Variants in GREM2 observed in about 807,000 individuals in gnomAD.
GREM2 encodes gremlin 2, DAN family BMP antagonist.
A neutral mutation model predicts 14.2 loss-of-function variants in GREM2; 11 were observed. The ratio of observed to expected loss-of-function variants is 0.78; its 90% CI spans 0.49 to 1.28. The LOEUF (loss-of-function observed/expected upper bound fraction) is 1.28. GREM2 is among the 50% of genes most tolerant of loss of function. The pLI is 0.00. For missense variants in GREM2, 210 were observed against 218.5 expected (o/e 0.96, Z 0.24); for synonymous variants, 98 against 97.6 (o/e 1.00, Z -0.02).
At chr1:240,515,449 A>G (rs1368219273) in intron 1 of GREM2, among the ~76,000 whole-genome samples, 2 of 152,226 alleles carry the variant, frequency 1.3e-5, no homozygotes, top group African/African-American at 4.8e-5. Flanking sequence ...AGATCAAAGT[A>G]CATCAGAATT....
chr1:240,556,891 C>A (rs1404958618), intron 1 of GREM2, among the ~76,000 whole-genome samples: 2 of 152,112 alleles, frequency 1.3e-5, no homozygotes, highest in African/African-American at 4.8e-5. Flanking sequence ...CATGGGATGT[C>A]TGGGCGTGGT....
chr1:240,500,834 T>C (rs1009261419), intron 1 of GREM2, among the ~76,000 whole-genome samples: 1 of 152,218 alleles, frequency 6.6e-6, no homozygotes, highest in Non-Finnish European at 1.5e-5. Flanking sequence ...TGTTTATTTA[T>C]GCCCATCTGT....
intron 1 of GREM2, among the ~76,000 whole-genome samples, chr1:240,502,013 G>A (rs966555673): frequency 2.0e-5 from 3 of 151,816 alleles, no homozygotes; most frequent in Non-Finnish European, 4.4e-5. Context: ...ACTGCTGCCC[G>A]AAACACCAAT....
chr1:240,594,624 T>A (rs1265228155), intron 1 of GREM2, among the ~76,000 whole-genome samples: 1 of 152,042 alleles, frequency 6.6e-6, no homozygotes, highest in Non-Finnish European at 1.5e-5. Flanking sequence ...TTGGCATAGA[T>A]CTTCTTATAA....
intron 1 of GREM2, among the ~76,000 whole-genome samples, chr1:240,500,449 C>A (rs1428439988): frequency 6.6e-6 from 1 of 152,030 alleles, no homozygotes; most frequent in Non-Finnish European, 1.5e-5. Flanking sequence ...CAGGCACCCA[C>A]CACCACACCT....
intron 1 of GREM2, among the ~76,000 whole-genome samples, chr1:240,535,511 AAAT>A (rs1678452995): frequency 6.6e-6 from 1 of 152,202 alleles, no homozygotes; most frequent in Non-Finnish European, 1.5e-5. Flanking sequence ...TGTGAGAAAG[AAAT>A]ATTGGCCAGG....
At chr1:240,506,602 GT>G (rs1677681465) in intron 1 of GREM2, among the ~76,000 whole-genome samples, 1 of 152,160 alleles carries the variant, frequency 6.6e-6, no homozygotes, top group South Asian at 2.1e-4. Context: ...GAAAAAAAGT[GT>G]TGAAAACGGA....
At chr1:240,518,962 A>C (rs1168125039) in intron 1 of GREM2, among the ~76,000 whole-genome samples, 1 of 115,594 alleles carries the variant, frequency 8.7e-6, no homozygotes, top group Non-Finnish European at 1.9e-5. Context: ...GGGTGTAATA[A>C]ATAAAGAGAC....
chr1:240,560,281 T>C lies in GREM2; in HGVS notation c.-2+51603A>G, dbSNP rs572029620. On this transcript the variant is annotated intron_variant, in intron 1 of 1. Coordinates refer to ENST00000318160, the MANE Select transcript of GREM2 (RefSeq NM_022469.4). ...TATGACAACCAGTGCAGTTGGGTGA[T>C]ACTGCCGCCATGGGTGCTCAGGTGC... Among the ~76,000 whole-genome samples, 4 of 152,320 alleles carry C rather than the reference T, an allele frequency of 2.6e-5. No individual in the cohort carries two copies. The East Asian group carries it at 7.7e-4, about 29-fold the overall frequency.
At chr1:240,495,634 A>G (rs2103270390) in intron 1 of GREM2, among the ~76,000 whole-genome samples, 1 of 152,332 alleles carries the variant, frequency 6.6e-6, no homozygotes, top group Non-Finnish European at 1.5e-5. Context: ...AGGCATTGAC[A>G]GGCTGCCAAG....
At chr1:240,547,451 A>G (rs552695484) in intron 1 of GREM2, among the ~76,000 whole-genome samples, 28 of 149,498 alleles carry the variant, frequency 1.9e-4, no homozygotes, top group South Asian at 4.2e-4. Flanking sequence ...AGTGAGCCGA[A>G]ATCACACCGC....
At chr1:240,603,999 C>T (rs1571954428) in intron 1 of GREM2, among the ~76,000 whole-genome samples, 1 of 151,238 alleles carries the variant, frequency 6.6e-6, no homozygotes, top group African/African-American at 2.4e-5. Context: ...TAATGAGGGC[C>T]TTAACAGGCT....
intron 1 of GREM2, among the ~76,000 whole-genome samples, chr1:240,502,886 C>T (rs756664357): frequency 6.6e-6 from 1 of 152,206 alleles, no homozygotes; most frequent in Non-Finnish European, 1.5e-5. Flanking sequence ...GGTTATTCCA[C>T]TGTCCTTGCA....
At chr1:240,503,623 T>C (rs1016478742) in intron 1 of GREM2, among the ~76,000 whole-genome samples, 1 of 152,206 alleles carries the variant, frequency 6.6e-6, no homozygotes, top group Non-Finnish European at 1.5e-5. Context: ...ATGCTTGAAA[T>C]GCACAAAACT....
chr1:240,541,266 T>G (rs1003379810), intron 1 of GREM2, among the ~76,000 whole-genome samples: 2 of 152,106 alleles, frequency 1.3e-5, no homozygotes, highest in Non-Finnish European at 2.9e-5. Flanking sequence ...ATTGACCCAG[T>G]GGATTGAAAG....
At chr1:240,519,550 T>C (rs1678031820) in intron 1 of GREM2, among the ~76,000 whole-genome samples, 1 of 152,186 alleles carries the variant, frequency 6.6e-6, no homozygotes, top group South Asian at 2.1e-4. Flanking sequence ...ATATACGGTA[T>C]TCACGTAACA....
In GREM2 at chr1:240,539,584, A is replaced by C. The variant is rs141086763; in HGVS notation, c.-1-46108T>G. 5.1e-4 allele frequency among the ~76,000 whole-genome samples: 77 copies of C among 152,334 alleles called. 1 individual carries two copies. The highest frequency in any genetic ancestry group is 1.4e-3 in the African/African-American group (59 of 41,588). ...TGAAATACAGTTTTTAAAATGCATA[A>C]GCATTTCTGGGACTTTGAAAGCCTC... is the stretch of plus-strand genomic sequence containing the variant. On this transcript the variant is annotated intron_variant, in intron 1 of 1. Transcript: ENST00000318160.
intron 1 of GREM2, among the ~76,000 whole-genome samples, chr1:240,505,970 A>G (rs1677668298): frequency 1.3e-5 from 2 of 152,172 alleles, no homozygotes; most frequent in Non-Finnish European, 2.9e-5. Context: ...AAAACGTGGT[A>G]TAACCATTTT....
In GREM2 at chr1:240,564,788, G is replaced by C. The variant is rs539990611; in HGVS notation, c.-2+47096C>G. ...TCTTTCCATTCCCATTTGCCTTCCT[G>C]CACAGTTTTCCTTGCATCAGGTGGC... On this transcript the variant is annotated intron_variant, in intron 1 of 1. Transcript: ENST00000318160. Among the ~76,000 whole-genome samples, 32 of 152,148 alleles carry C rather than the reference G, an allele frequency of 2.1e-4. 1 individual carries two copies. The highest frequency in any genetic ancestry group is 3.9e-4 in the Admixed American group (6 of 15,262).
Sources: allele counts gnomAD v4.1 joint callset (sites outside exome capture counted in the v4.1 genomes callset), GRCh38; gene constraint gnomAD v4.1.1; transcripts MANE v1.5; gene names NCBI Gene and HGNC (gene_info 2026-07-23, HGNC 2026-07-21).